RAB37: variants seen among roughly 807,000 people sequenced by gnomAD.
RAB37 encodes the protein RAB37, member RAS oncogene family.
RAB37 carries 29 observed loss-of-function variants against 33.1 expected under a neutral mutation model. That is an observed-to-expected ratio of 0.88 (90% CI 0.65 to 1.20). The LOEUF (loss-of-function observed/expected upper bound fraction) is 1.20, where lower values mean the gene tolerates loss of function less well. Ranked by LOEUF, RAB37 falls within the 50% of genes most tolerant of loss-of-function variation. The pLI, the probability that RAB37 is intolerant of heterozygous loss-of-function variation, is 0.00. For synonymous variants in RAB37, 128 were observed against 119.5 expected (o/e 1.07, Z -0.47); for missense variants, 299 against 301.1 (o/e 0.99, Z 0.05).
In RAB37 at chr17:74,671,525, A is replaced by T; in HGVS notation, c.-62A>T. 6.5e-7 allele frequency: 1 copy of T among 1,543,640 alleles called. No individual in the cohort carries two copies. The highest frequency in any genetic ancestry group is 8.9e-7 in the Non-Finnish European group (1 of 1,118,714). ...GCCGCACCCAGCGGAGCTCGAACCG[A>T]GCTCCTGGAAGCGCTGACGCAGAGC... On this transcript the variant is annotated 5_prime_UTR_variant, in exon 1 of 8. Coordinates refer to the RAB37 transcript ENST00000340415. This position sits in a 1 kb window ranked among gnomAD's most constrained non-coding sequence, Gnocchi z 5.0.
At chr17:74,704,341 T>TA (rs761295572) in intron 1 of RAB37, 12 of 660,512 alleles carry the variant, frequency 1.8e-5, no homozygotes, top group Admixed American at 2.9e-5. Context: ...CAGTCCCAGG[T>TA]GGTCAGTCAG....
intron 1 of RAB37, among the ~76,000 whole-genome samples, chr17:74,727,540 C>T (rs1380689864): frequency 6.6e-6 from 1 of 152,252 alleles, no homozygotes; most frequent in Non-Finnish European, 1.5e-5. Flanking sequence ...CAGGAACAGG[C>T]CTGCCTCAGT....
Position 74,686,339 on chromosome 17 carries a change from C to T in RAB37, c.72+14681C>T, listed in dbSNP as rs755536801. Among the ~76,000 whole-genome samples, 125 of 152,036 alleles carry T rather than the reference C, an allele frequency of 8.2e-4. 1 individual carries two copies. The highest frequency in any genetic ancestry group is 5.6e-3 in the Admixed American group (86 of 15,254). On this transcript the variant is annotated intron_variant, in intron 1 of 7. Transcript: ENST00000340415. The stretch of plus-strand genomic sequence containing the variant: ...AACTCCTGAGCTCAGGCAACCCACA[C>T]GCCTCAGCCTCCAAAAGTGCTGGGA...
In RAB37 at chr17:74,676,378, C is replaced by G. The variant is rs1309595408; in HGVS notation, c.72+4720C>G. Among the ~76,000 whole-genome samples, 1 of 152,136 alleles carries G rather than the reference C, an allele frequency of 6.6e-6. No individual in the cohort carries two copies. The highest frequency in any genetic ancestry group is 1.5e-5 in the Non-Finnish European group (1 of 68,010). ...AAACGTGAGCTGCTCATCCATTCAT[C>G]CAGGGCTTGGTTCTTCTTGGGTGAA... On this transcript the variant is annotated intron_variant, in intron 1 of 7. Transcript: ENST00000340415. The surrounding 1 kb of genome is among the most constrained non-coding windows in gnomAD (Gnocchi z 4.1).
At chr17:74,714,559 G>A (rs2034136418) in intron 1 of RAB37, among the ~76,000 whole-genome samples, 1 of 152,116 alleles carries the variant, frequency 6.6e-6, no homozygotes, top group African/African-American at 2.4e-5. Context: ...CCCACCAGGT[G>A]AGATCCCAGG....
intron 1 of RAB37, among the ~76,000 whole-genome samples, chr17:74,692,829 T>A (rs553864367): frequency 6.6e-6 from 1 of 152,320 alleles, no homozygotes; most frequent in South Asian, 2.1e-4. Flanking sequence ...CCTGCCAGAA[T>A]AGTGAACACC....
In RAB37 at chr17:74,696,125, A is replaced by G. The variant is rs371223421; in HGVS notation, c.72+24467A>G. ...CTTCTCTGATATTTTGGACCTTCTGAGAGATGGAAAATGAGGAAGGGGAAA... is the reference window on the plus strand; with the variant it reads ...CTTCTCTGATATTTTGGACCTTCTGGGAGATGGAAAATGAGGAAGGGGAAA... On this transcript the variant is annotated intron_variant, in intron 1 of 7. Coordinates refer to the RAB37 transcript ENST00000340415. The G allele has an allele frequency of 7.4e-5, 115 of 1,545,816 alleles. No homozygotes were observed. The African/African-American group carries it at 1.4e-3, about 18-fold the overall frequency.
chr17:74,692,112 C>G (rs1309471455), intron 1 of RAB37, among the ~76,000 whole-genome samples: 1 of 151,932 alleles, frequency 6.6e-6, no homozygotes, highest in Non-Finnish European at 1.5e-5. Context: ...GTGATCCGCC[C>G]ACCTCGGCCT....
chr17:74,681,503 A>G (rs1209429773), intron 1 of RAB37, among the ~76,000 whole-genome samples: 1 of 152,222 alleles, frequency 6.6e-6, no homozygotes, highest in Non-Finnish European at 1.5e-5. Flanking sequence ...GATCCCTTCC[A>G]TGACCATCTC....
upstream of RAB37, among the ~76,000 whole-genome samples, chr17:74,734,895 AAG>A (rs971915429): frequency 2.0e-5 from 3 of 150,570 alleles, no homozygotes; most frequent in African/African-American, 7.4e-5. Flanking sequence ...AAGAAAGGGA[AAG>A]AGAGAGAGGA....
intron 1 of RAB37, among the ~76,000 whole-genome samples, chr17:74,709,989 G>GT (rs1039842603): frequency 6.6e-6 from 1 of 151,762 alleles, no homozygotes; most frequent in Admixed American, 6.6e-5. Context: ...TTGTTTGTTT[G>GT]TTTTTTTGAG....
At chr17:74,680,711 C>T (rs1479769520) in intron 1 of RAB37, among the ~76,000 whole-genome samples, 1 of 152,086 alleles carries the variant, frequency 6.6e-6, no homozygotes, top group Non-Finnish European at 1.5e-5. Flanking sequence ...GTCTGTATTT[C>T]CTGCAATCCT....
At position 74,729,426 on chromosome 17, in the gene RAB37, G is replaced by A; in HGVS notation, c.183+60G>A. 2 of 1,167,438 alleles carry A rather than the reference G, an allele frequency of 1.7e-6. No homozygotes were observed. Among genetic ancestry groups the A allele is most frequent in the East Asian group, 2.3e-5 (1 of 42,844 alleles). The allele number at this position is 1,167,438 out of a possible 1,614,324, so 72.3% of individuals were successfully genotyped here. On this transcript the variant is annotated intron_variant, in intron 2 of 7. Coordinates refer to the RAB37 transcript ENST00000340415. The surrounding 1 kb of genome is among the most constrained non-coding windows in gnomAD (Gnocchi z 4.2). ...GGGCTCAGGACCCCAGCGTGTTTCTGTTGAGTGCCAGCAGGAAACAGGTGG... is the reference window on the plus strand; with the variant it reads ...GGGCTCAGGACCCCAGCGTGTTTCTATTGAGTGCCAGCAGGAAACAGGTGG...
At chr17:74,704,287 A>G in intron 1 of RAB37, 1 of 593,168 alleles carries the variant, frequency 1.7e-6, no homozygotes, top group Non-Finnish European at 3.0e-6. Flanking sequence ...TCGTGGAGGG[A>G]GCCCTGGGAG....
In RAB37 at chr17:74,729,371, G is replaced by A. The variant is rs1289469724; in HGVS notation, c.183+5G>A. 1 of 1,596,758 alleles carries A rather than the reference G, an allele frequency of 6.3e-7. No homozygotes were observed. Among genetic ancestry groups the A allele is most frequent in the Non-Finnish European group, 8.6e-7 (1 of 1,164,140 alleles). ...ACTGTGGGCATCGGATTCACGGTAA[G>A]CACTGGCCGGCACTGCCAGCTCTGG... On this transcript the variant is annotated splice_donor_5th_base_variant and intron_variant, in intron 2 of 7. Coordinates refer to the RAB37 transcript ENST00000340415. This position sits in a 1 kb window ranked among gnomAD's most constrained non-coding sequence, Gnocchi z 4.2.
intron 1 of RAB37, among the ~76,000 whole-genome samples, chr17:74,710,878 C>G (rs2033907896): frequency 6.7e-6 from 1 of 149,466 alleles, no homozygotes; most frequent in Admixed American, 6.7e-5. Context: ...AAAAAAAAAA[C>G]AAAAAATCTG....
intron 2 of RAB37, among the ~76,000 whole-genome samples, chr17:74,732,172 C>T (rs900962719): frequency 6.6e-6 from 1 of 152,250 alleles, no homozygotes; most frequent in African/African-American, 2.4e-5. Flanking sequence ...CTTCAGCGCA[C>T]ATAAAAGCCT....
At chr17:74,706,476 T>C (rs1350436650) in intron 1 of RAB37, among the ~76,000 whole-genome samples, 2 of 151,796 alleles carry the variant, frequency 1.3e-5, no homozygotes, top group African/African-American at 4.8e-5. Context: ...GAGATCAGCC[T>C]GACCAACATG....
At chr17:74,726,716 G>A (rs572975661) in intron 1 of RAB37, among the ~76,000 whole-genome samples, 3 of 152,358 alleles carry the variant, frequency 2.0e-5, no homozygotes, top group South Asian at 2.1e-4. Flanking sequence ...GTAAGCAGAC[G>A]CTGATATGCA....
Sources: allele counts gnomAD v4.1 joint callset (sites outside exome capture counted in the v4.1 genomes callset), GRCh38; gene constraint gnomAD v4.1.1; non-coding constraint Gnocchi (gnomAD v3.1); transcripts MANE v1.5; gene names NCBI Gene and HGNC (gene_info 2026-07-23, HGNC 2026-07-21).